Variants in SOS1 observed in about 807,000 individuals in gnomAD.
The protein encoded by SOS1 is SOS Ras/Rac guanine nucleotide exchange factor 1, also known as son of sevenless homolog 1.
In SOS1, 25 loss-of-function variants were observed where a neutral mutation model predicts 157.6. The ratio of observed to expected loss-of-function variants is 0.16; its 90% CI spans 0.12 to 0.22. The LOEUF (loss-of-function observed/expected upper bound fraction) is 0.22, where lower values mean the gene tolerates loss of function less well. Ranked by LOEUF, SOS1 falls within the 10% of genes least tolerant of loss-of-function variation. The pLI, the probability that SOS1 is intolerant of heterozygous loss-of-function variation, is 1.00. For synonymous variants in SOS1, 528 were observed against 534.0 expected, an observed-to-expected ratio of 0.99 and a Z score of 0.16; for missense variants, 1,237 against 1,599.1, an observed-to-expected ratio of 0.77 and a Z score of 3.86.
chr2:39,023,320 T>G, intron 9 of SOS1, 95 bp from the exon 10 acceptor site: 1 of 871,294 alleles, frequency 1.1e-6, no homozygotes, highest in Non-Finnish European at 1.8e-6. Flanking sequence ...TTTTTACAAG[T>G]CTCACTGAGA....
At chr2:39,111,940 G>A (rs1673452264) in intron 1 of SOS1, among the ~76,000 whole-genome samples, 2 of 152,062 alleles carry the variant, frequency 1.3e-5, no homozygotes, top group South Asian at 4.1e-4. Context: ...ATGTTGGCCA[G>A]GCTGGTCTTG....
chr2:39,088,492 T>C (rs1306916283), intron 1 of SOS1, among the ~76,000 whole-genome samples: 2 of 152,008 alleles, frequency 1.3e-5, no homozygotes, highest in African/African-American at 4.8e-5. Flanking sequence ...CAATTCCTCC[T>C]CCCTGCAGGC....
intron 20 of SOS1, chr2:38,993,727 T>A (rs1194792476): frequency 6.6e-6 from 1 of 152,232 alleles, no homozygotes; most frequent in East Asian, 1.9e-4. Context: ...CCAGAAATTC[T>A]AACTTCGAGG....
At chr2:39,080,752 T>A (rs893327402) in intron 1 of SOS1, among the ~76,000 whole-genome samples, 4 of 146,492 alleles carry the variant, frequency 2.7e-5, no homozygotes, top group African/African-American at 1.0e-4. Context: ...TTAACTGCAA[T>A]TTTTTTTTTT....
intron 8 of SOS1, among the ~76,000 whole-genome samples, chr2:39,025,481 C>G (rs139818731): frequency 6.6e-6 from 1 of 151,670 alleles, no homozygotes; most frequent in African/African-American, 2.4e-5. Flanking sequence ...TCCCGAGTAG[C>G]TGCGATTACG....
At chr2:39,085,236 G>T in intron 1 of SOS1, among the ~76,000 whole-genome samples, 1 of 152,044 alleles carries the variant, frequency 6.6e-6, no homozygotes. Flanking sequence ...TTGTAGAAAT[G>T]GGTGTCTCAC....
chr2:39,008,798 TTC>T (rs1669365268), intron 15 of SOS1, among the ~76,000 whole-genome samples: 1 of 152,126 alleles, frequency 6.6e-6, no homozygotes, highest in Non-Finnish European at 1.5e-5. Flanking sequence ...GGATGAGTCT[TTC>T]CAGTACCACT....
rs1672904851 is a variant in SOS1, at chr2:39,100,003, C to A, written c.87+20333G>T. 2.0e-5 allele frequency among the ~76,000 whole-genome samples: 3 copies of A among 152,186 alleles called. 1 individual carries two copies. The East Asian group carries it at 5.8e-4, about 29-fold the overall frequency. On this transcript the variant is annotated intron_variant, in intron 1 of 22. Coordinates refer to ENST00000402219, the MANE Select transcript of SOS1 (RefSeq NM_005633.4). ...AAGTGCTGGGATTACAGGCATGAGC[C>A]ACTGTGCCCGGCCAAGACTGTTTTT...
chr2:39,030,942 G>A (rs1051824636), intron 8 of SOS1, among the ~76,000 whole-genome samples: 19 of 152,112 alleles, frequency 1.2e-4, no homozygotes, highest in African/African-American at 4.3e-4. Context: ...TGGAGGCAAA[G>A]ACGGGAGTGA....
At chr2:39,095,458 A>C (rs540954937) in intron 1 of SOS1, among the ~76,000 whole-genome samples, 2 of 152,214 alleles carry the variant, frequency 1.3e-5, no homozygotes, top group African/African-American at 2.4e-5. Context: ...AAGGTAAGGC[A>C]TATTTCCTAG....
At chr2:39,090,962 G>A (rs1047057469) in intron 1 of SOS1, among the ~76,000 whole-genome samples, 3 of 152,070 alleles carry the variant, frequency 2.0e-5, no homozygotes, top group African/African-American at 4.8e-5. Context: ...TCAACCTCCT[G>A]GGTTCAAGCG....
intron 17 of SOS1, among the ~76,000 whole-genome samples, chr2:38,997,889 A>C (rs1436344819): frequency 6.6e-6 from 1 of 152,180 alleles, no homozygotes; most frequent in Non-Finnish European, 1.5e-5. Flanking sequence ...AAACAGGAAA[A>C]ATACTAAATT....
At chr2:39,043,684 G>C (rs1046049641) in intron 6 of SOS1, among the ~76,000 whole-genome samples, 1 of 152,160 alleles carries the variant, frequency 6.6e-6, no homozygotes, top group African/African-American at 2.4e-5. Context: ...GTCCTGACGC[G>C]GTGCAGGGCA....
chr2:39,003,803 C>CTA (rs1290941575), intron 17 of SOS1, among the ~76,000 whole-genome samples: 1 of 152,174 alleles, frequency 6.6e-6, no homozygotes. Flanking sequence ...CCAACTTTAT[C>CTA]ATCTGTGAAA....
chr2:39,000,877 A>T (rs1669074576), intron 17 of SOS1, among the ~76,000 whole-genome samples: 1 of 152,242 alleles, frequency 6.6e-6, no homozygotes. Flanking sequence ...TTTAAAAGAC[A>T]GGCCAGGATA....
chr2:39,066,306 A>G (rs978394831), intron 2 of SOS1, among the ~76,000 whole-genome samples: 2 of 152,206 alleles, frequency 1.3e-5, no homozygotes, highest in African/African-American at 2.4e-5. Flanking sequence ...ATTCAGTCCA[A>G]CTATCTTTTT....
chr2:39,033,399 G>GT (rs1670236140), intron 8 of SOS1, among the ~76,000 whole-genome samples: 1 of 152,134 alleles, frequency 6.6e-6, no homozygotes, highest in African/African-American at 2.4e-5. Context: ...TTCTATTAAT[G>GT]TAAGTTATAA....
At chr2:39,050,568 C>T (rs1406098306) in intron 6 of SOS1, among the ~76,000 whole-genome samples, 3 of 152,158 alleles carry the variant, frequency 2.0e-5, no homozygotes, top group Admixed American at 6.5e-5. Context: ...ATACCTACTG[C>T]TTCAGCACCC....
rs566735629 is a variant in SOS1 at position 39,069,845 on chromosome 2, G to A, written c.88-2092C>T. 2.5e-3 allele frequency among the ~76,000 whole-genome samples: 385 copies of A among 152,334 alleles called. 3 individuals carry two copies. Among genetic ancestry groups the A allele is most frequent in the Non-Finnish European group, 4.8e-3 (327 of 68,040 alleles). ...TTACAGGCATGAGCCACTGTGCTTG[G>A]CCTAAAACAAATTTTTTTAACAATT... On this transcript the variant is annotated intron_variant, in intron 1 of 22. Coordinates refer to ENST00000402219, the MANE Select transcript of SOS1 (RefSeq NM_005633.4).
Sources: allele counts gnomAD v4.1 joint callset (sites outside exome capture counted in the v4.1 genomes callset), GRCh38; gene constraint gnomAD v4.1.1; transcripts MANE v1.5; gene names NCBI Gene and HGNC (gene_info 2026-07-23, HGNC 2026-07-21).